CNTNAP2: variants seen among roughly 807,000 people sequenced by gnomAD.
CNTNAP2 encodes contactin associated protein 2.
CNTNAP2 carries 98 observed loss-of-function variants against 155.2 expected under a neutral mutation model. The observed-to-expected ratio is 0.63, with a 90% CI of 0.54 to 0.75. The LOEUF (loss-of-function observed/expected upper bound fraction) is 0.75. Ranked by LOEUF, CNTNAP2 falls within the 30% of genes least tolerant of loss-of-function variation. The pLI is 0.00. For missense variants in CNTNAP2, 1,727 were observed against 1,688.1 expected, an observed-to-expected ratio of 1.02 and a Z score of -0.40; for synonymous variants, 651 against 631.2, an observed-to-expected ratio of 1.03 and a Z score of -0.47.
intron 1 of CNTNAP2, among the ~76,000 whole-genome samples, chr7:146,356,039 G>T (rs1323845781): frequency 7.1e-6 from 1 of 141,272 alleles, no homozygotes. Flanking sequence ...CATATATGAA[G>T]TATACATACG....
intron 12 of CNTNAP2, among the ~76,000 whole-genome samples, chr7:147,622,138 C>T (rs1584861190): frequency 1.3e-5 from 2 of 151,838 alleles, no homozygotes; most frequent in Middle Eastern, 3.4e-3. Context: ...ATATATAAAG[C>T]AAATATTATT....
chr7:147,789,296 A>G (rs1244000422), intron 13 of CNTNAP2, among the ~76,000 whole-genome samples: 2 of 151,878 alleles, frequency 1.3e-5, no homozygotes, highest in East Asian at 3.9e-4. Flanking sequence ...CACTATCCAA[A>G]CCACAAACAA....
chr7:148,403,743 A>G (rs1799639094), intron 22 of CNTNAP2, among the ~76,000 whole-genome samples: 1 of 152,220 alleles, frequency 6.6e-6, no homozygotes, highest in South Asian at 2.1e-4. Context: ...AATAAAATGT[A>G]TCTATCAAAA....
chr7:146,590,350 G>T (rs976190675), intron 1 of CNTNAP2, among the ~76,000 whole-genome samples: 1 of 152,240 alleles, frequency 6.6e-6, no homozygotes, highest in South Asian at 2.1e-4. Flanking sequence ...TTCAACATCA[G>T]TGAGAATTTT....
intron 14 of CNTNAP2, among the ~76,000 whole-genome samples, chr7:147,906,497 AT>A (rs575324842): frequency 0.012 from 1,783 of 145,526 alleles, 80 homozygotes; most frequent in Admixed American, 0.095. Context: ...TTTATTTTTT[AT>A]TTTTTTTTTT....
intron 1 of CNTNAP2, among the ~76,000 whole-genome samples, chr7:146,362,709 A>T (rs1344174466): frequency 1.3e-5 from 2 of 150,992 alleles, no homozygotes; most frequent in Non-Finnish European, 2.9e-5. Flanking sequence ...TAGGTAGGGG[A>T]GTGACACAAA....
At position 146,151,708 on chromosome 7, in the gene CNTNAP2, A is replaced by ATGTATATG. The variant is rs1244205025; in HGVS notation, c.97+34736_97+34737insGTATATGT. ...TATATATATATATATGTATATATAT[A>ATGTATATG]TATATGTATATATATATATGCGCAA... On this transcript the variant is annotated intron_variant, in intron 1 of 23. Transcript: ENST00000361727. 1.9e-3 allele frequency among the ~76,000 whole-genome samples: 119 copies of ATGTATATG among 62,226 alleles called. 3 individuals are homozygous for ATGTATATG. The highest frequency in any genetic ancestry group is 0.011 in the African/African-American group (115 of 10,222). 40.8% of individuals were successfully genotyped at this position (62,226 alleles called of 152,430 possible). A position where few individuals can be genotyped will look rare whatever the true frequency, so the allele number is the denominator to read the frequency against.
intron 14 of CNTNAP2, among the ~76,000 whole-genome samples, chr7:147,918,151 C>G (rs952056480): frequency 2.0e-5 from 3 of 152,088 alleles, no homozygotes; most frequent in African/African-American, 7.2e-5. Context: ...CAATTAGATG[C>G]CTGGGTATCT....
chr7:146,825,205 A>G (rs1344782040), intron 2 of CNTNAP2, among the ~76,000 whole-genome samples: 1 of 152,236 alleles, frequency 6.6e-6, no homozygotes, highest in African/African-American at 2.4e-5. Flanking sequence ...AAATTGTTTC[A>G]TGTTGCCAAG....
chr7:147,081,727 A>T (rs1314457067), intron 4 of CNTNAP2: 1 of 152,192 alleles, frequency 6.6e-6, no homozygotes, highest in Non-Finnish European at 1.5e-5. Context: ...TGCTGGGATT[A>T]CAGGCGTGAG....
At chr7:146,187,434 A>G (rs949094858) in intron 1 of CNTNAP2, among the ~76,000 whole-genome samples, 22 of 152,292 alleles carry the variant, frequency 1.4e-4, no homozygotes, top group African/African-American at 4.6e-4. Context: ...GTAGCCAAGG[A>G]TATTCTACTC....
chr7:146,398,184 C>CTTTTTTTTTTTT lies in CNTNAP2; in HGVS notation c.97+281222_97+281233dup, dbSNP rs34144986. ...GTGAGCACCTATACCCGGCCCCAAA[C>CTTTTTTTTTTTT]TTTTTTTTTTTTTTTTTTTTTTAGC... is the stretch of plus-strand genomic sequence containing the variant. On this transcript the variant is annotated intron_variant, in intron 1 of 23. Transcript: ENST00000361727. Among the ~76,000 whole-genome samples, 536 of 106,998 alleles carry CTTTTTTTTTTTT rather than the reference C, an allele frequency of 5.0e-3. 28 individuals carry two copies. Among genetic ancestry groups the CTTTTTTTTTTTT allele is most frequent in the African/African-American group, 0.021 (513 of 24,366 alleles). The allele number at this position is 106,998 out of a possible 152,430, so 70.2% of individuals were successfully genotyped here.
chr7:147,808,723 ATC>A (rs1798132587), intron 13 of CNTNAP2, among the ~76,000 whole-genome samples: 1 of 152,182 alleles, frequency 6.6e-6, no homozygotes, highest in African/African-American at 2.4e-5. Context: ...ATTCCTTCTC[ATC>A]CTTTAAAACC....
At chr7:148,068,994 C>G (rs1287233318) in intron 15 of CNTNAP2, among the ~76,000 whole-genome samples, 1 of 152,210 alleles carries the variant, frequency 6.6e-6, no homozygotes, top group Non-Finnish European at 1.5e-5. Context: ...AGGAGCTCAC[C>G]AGGTTCCTAA....
At chr7:147,084,551 TATAATAA>T (rs1563071084) in intron 4 of CNTNAP2, among the ~76,000 whole-genome samples, 3 of 145,414 alleles carry the variant, frequency 2.1e-5, no homozygotes, top group African/African-American at 7.4e-5. Context: ...TATATAATAA[TATAATAA>T]TATATACATG....
intron 12 of CNTNAP2, among the ~76,000 whole-genome samples, chr7:147,575,497 T>C (rs147928949): frequency 8.6e-6 from 1 of 116,450 alleles, no homozygotes; most frequent in African/African-American, 3.3e-5. Context: ...TTCCCTAGCT[T>C]TAGGGGTATA....
chr7:148,074,677 G>A (rs1803448316), intron 15 of CNTNAP2, among the ~76,000 whole-genome samples: 1 of 147,092 alleles, frequency 6.8e-6, no homozygotes, highest in African/African-American at 2.6e-5. Flanking sequence ...AAAAGAGCAA[G>A]ACTGTCTCAA....
chr7:147,433,157 G>C (rs769427817), intron 10 of CNTNAP2, among the ~76,000 whole-genome samples: 3 of 152,122 alleles, frequency 2.0e-5, no homozygotes, highest in Non-Finnish European at 2.9e-5. Context: ...TCTTTCCCCT[G>C]TGTCGTGACG....
intron 11 of CNTNAP2, among the ~76,000 whole-genome samples, chr7:147,490,511 T>C (rs928008709): frequency 1.4e-4 from 22 of 152,198 alleles, no homozygotes; most frequent in Admixed American, 1.0e-3. Context: ...CTATAATTGA[T>C]ATAATTCAAA....
Sources: allele counts gnomAD v4.1 joint callset (sites outside exome capture counted in the v4.1 genomes callset), GRCh38; gene constraint gnomAD v4.1.1; transcripts MANE v1.5; gene names NCBI Gene and HGNC (gene_info 2026-07-23, HGNC 2026-07-21).